USP22: variants seen among roughly 807,000 people sequenced by gnomAD.
USP22 encodes ubiquitin carboxyl-terminal hydrolase 22.
Under a neutral mutation model 68.1 loss-of-function variants are expected in USP22, and 22 were observed. The ratio of observed to expected loss-of-function variants is 0.32; its 90% CI spans 0.23 to 0.46. USP22 has a LOEUF of 0.46. USP22 is among the 20% of genes least tolerant of loss of function. USP22 has a pLI of 1.00. For synonymous variants in USP22, 279 were observed against 274.2 expected, an observed-to-expected ratio of 1.02 and a Z score of -0.17; for missense variants, 433 against 695.8, an observed-to-expected ratio of 0.62 and a Z score of 4.25.
At chr17:21,019,385 T>G (rs1279569945) in intron 3 of USP22, among the ~76,000 whole-genome samples, 200 bp from the exon 4 acceptor site, 1 of 152,254 alleles carries the variant, frequency 6.6e-6, no homozygotes, top group Admixed American at 6.5e-5. Flanking sequence ...ACAGAGGGTA[T>G]GAGGATGTGA....
intron 10 of USP22, 67 bp from the exon 11 acceptor site, chr17:21,005,057 T>C: frequency 6.4e-7 from 1 of 1,562,490 alleles, no homozygotes. Context: ...AAGGCTCTCG[T>C]GAAACCAACA....
In USP22 at chr17:21,001,101, CA is replaced by C. The variant is rs1453430053; in HGVS notation, c.*1929del. 3 of 151,732 alleles carry C rather than the reference CA, an allele frequency of 2.0e-5. No homozygotes were observed. The highest frequency in any genetic ancestry group is 4.8e-5 in the African/African-American group (2 of 41,314). The allele number at this position is 151,732 out of a possible 1,614,324, so 9.4% of individuals were successfully genotyped here. ...AGGAGATCTTCAAAGCACTGTCACC[CA>C]AACAGCAGAACTTGGTCACATGGGA... is the stretch of plus-strand genomic sequence containing the variant. On this transcript the variant is annotated 3_prime_UTR_variant, in exon 13 of 13. Coordinates refer to ENST00000261497, the MANE Select transcript of USP22 (RefSeq NM_015276.2).
chr17:21,021,722 C>T (rs1162594561), intron 2 of USP22, among the ~76,000 whole-genome samples: 6 of 152,172 alleles, frequency 3.9e-5, no homozygotes, highest in East Asian at 1.9e-4. Context: ...AGTTTCTCAT[C>T]GGATGACTTT....
intron 2 of USP22, among the ~76,000 whole-genome samples, chr17:21,022,217 G>A (rs769852159): frequency 2.0e-5 from 3 of 152,170 alleles, no homozygotes; most frequent in Non-Finnish European, 4.4e-5. Flanking sequence ...ACAAGAAACT[G>A]TTCACAGTCG....
chr17:21,000,748 T>C lies in USP22; in HGVS notation c.*2283A>G, dbSNP rs1399325658. The stretch of plus-strand genomic sequence containing the variant: ...CAACTTCAGTCAACTCTCCTTTCCA[T>C]TAGATTTGTTCCTAATTAAAAGACC... On this transcript the variant is annotated 3_prime_UTR_variant, in exon 13 of 13. Transcript: ENST00000261497. 1 of 152,208 alleles carries C rather than the reference T, an allele frequency of 6.6e-6. No individual in the cohort carries two copies. Among genetic ancestry groups the C allele is most frequent in the Admixed American group, 6.6e-5 (1 of 15,264 alleles). The allele number at this position is 152,208 out of a possible 1,614,324, so 9.4% of individuals were successfully genotyped here.
intron 7 of USP22, 27 bp from the exon 8 acceptor site, chr17:21,011,336 G>A (rs1055372456): frequency 5.8e-6 from 9 of 1,551,410 alleles, no homozygotes; most frequent in Admixed American, 3.9e-5. Context: ...AACAATGGCT[G>A]TGAGGACTGA....
intron 3 of USP22, 127 bp downstream of exon 3, chr17:21,020,986 G>A: frequency 1.4e-6 from 1 of 704,730 alleles, no homozygotes; most frequent in Non-Finnish European, 2.5e-6. Context: ...AGGGGAAGGT[G>A]GGGACGGCCT....
chr17:21,036,198 TG>T (rs1288342628), intron 1 of USP22, among the ~76,000 whole-genome samples: 1 of 150,812 alleles, frequency 6.6e-6, no homozygotes, highest in Non-Finnish European at 1.5e-5. Flanking sequence ...ACGAGACCAG[TG>T]GTTGTGGAGA....
In USP22 at chr17:21,002,296, A is replaced by C. The variant is rs1016669125; in HGVS notation, c.*735T>G. ...TGAGACTAAAGGAGAAGTTACCTAAATTTCTGTATAAACTCAGTAATTCAT... is the reference window on the plus strand; with the variant it reads ...TGAGACTAAAGGAGAAGTTACCTAACTTTCTGTATAAACTCAGTAATTCAT... On this transcript the variant is annotated 3_prime_UTR_variant, in exon 13 of 13. Transcript: ENST00000261497. 3.3e-5 allele frequency: 5 copies of C among 152,202 alleles called. No individual in the cohort carries two copies. The highest frequency in any genetic ancestry group is 1.2e-4 in the African/African-American group (5 of 41,448). The allele number at this position is 152,202 out of a possible 1,614,324, so 9.4% of individuals were successfully genotyped here.
In USP22 at chr17:21,012,865, G is replaced by C. The variant is rs1185452833; in HGVS notation, c.909C>G (p.Gly303=). Residue 303 remains glycine (G), a synonymous_variant, in exon 7 of 13, where the codon GGC becomes GGG. Coordinates refer to ENST00000261497, the MANE Select transcript of USP22 (RefSeq NM_015276.2). ...GGCAGGTGACGTCTGACTGCAACCCGCCTGTGAAGATCTGGTCTATGATGC... is the reference window on the plus strand; with the variant it reads ...GGCAGGTGACGTCTGACTGCAACCCCCCTGTGAAGATCTGGTCTATGATGC... ...CNCIIDQIFT[G]GLQSDVTCQV... is the part of the protein sequence containing the mutation. 1.9e-6 allele frequency: 3 copies of C among 1,613,972 alleles called. No individual in the cohort carries two copies. Among genetic ancestry groups the C allele is most frequent in the East Asian group, 2.2e-5 (1 of 44,874 alleles).
rs1192120488 is a variant in USP22, at chr17:21,001,360, CCT to C, written c.*1669_*1670del. 6.6e-6 allele frequency: 1 copy of C among 152,202 alleles called. No individual in the cohort carries two copies. 9.4% of individuals were successfully genotyped at this position (152,202 alleles called of 1,614,324 possible). ...GTAGCAGCTGCCACTGTCACTACCC[CCT>C]CCCCAGCCCAGCCAGCTAAGGAGCT... On this transcript the variant is annotated 3_prime_UTR_variant, in exon 13 of 13. Coordinates refer to ENST00000261497, the MANE Select transcript of USP22 (RefSeq NM_015276.2).
In USP22 at chr17:21,012,950, C is replaced by T. The variant is rs765205613; in HGVS notation, c.839-15G>A. On this transcript the variant is annotated splice_polypyrimidine_tract_variant and intron_variant, in intron 6 of 12. Transcript: ENST00000261497. ...ATTGTCATCACCTGGAGACAGACCACGGCTCTGGGATTAGTGTCTCCCCAA... is the reference window on the plus strand; with the variant it reads ...ATTGTCATCACCTGGAGACAGACCATGGCTCTGGGATTAGTGTCTCCCCAA... 23 of 1,611,710 alleles carry T rather than the reference C, an allele frequency of 1.4e-5. No homozygotes were observed. The highest frequency in any genetic ancestry group is 8.0e-5 in the African/African-American group (6 of 74,818).
intron 3 of USP22, among the ~76,000 whole-genome samples, 157 bp downstream of exon 3, chr17:21,020,956 C>T (rs1241302561): frequency 3.9e-5 from 6 of 152,180 alleles, no homozygotes; most frequent in Non-Finnish European, 7.4e-5. Context: ...AGAGCTTCAG[C>T]TGACTCCACT....
chr17:21,004,372 A>T (rs1913705708), intron 11 of USP22, 21 bp from the exon 12 acceptor site: 10 of 1,612,078 alleles, frequency 6.2e-6, no homozygotes, highest in Admixed American at 1.7e-5. Context: ...AGCAAAGGAG[A>T]GGGAGGGCGC....
rs79440898 is a variant in USP22 at position 21,006,994 on chromosome 17, A to G, written c.1231-7T>C. 2 of 1,593,158 alleles carry G rather than the reference A, an allele frequency of 1.3e-6. No individual in the cohort carries two copies. Among genetic ancestry groups the G allele is most frequent in the Non-Finnish European group, 1.7e-6 (2 of 1,168,510 alleles). On this transcript the variant is annotated splice_region_variant and splice_polypyrimidine_tract_variant and intron_variant, in intron 9 of 12. Transcript: ENST00000261497. ...TGGCTGAGTGTTCAAATCGCTGCAG[A>G]AATAGGAAGGGGACAGAGGGAAGAG...
intron 10 of USP22, among the ~76,000 whole-genome samples, chr17:21,005,357 C>T (rs566184760): frequency 6.6e-6 from 1 of 152,176 alleles, no homozygotes; most frequent in Admixed American, 6.5e-5. Context: ...TGAAAGGGTA[C>T]GCTGAATCCA....
chr17:21,030,027 A>T (rs2090068123), intron 1 of USP22, among the ~76,000 whole-genome samples: 2 of 152,246 alleles, frequency 1.3e-5, no homozygotes, highest in African/African-American at 4.8e-5. Flanking sequence ...GGATTAAAAA[A>T]ATATATTAAG....
intron 6 of USP22, among the ~76,000 whole-genome samples, chr17:21,014,971 C>T (rs527543671): frequency 9.2e-5 from 14 of 152,286 alleles, no homozygotes; most frequent in Middle Eastern, 3.4e-3. Flanking sequence ...AACGCCAGCA[C>T]GGGCTTTAGG....
chr17:21,010,874 G>A (rs1913943878), intron 8 of USP22, among the ~76,000 whole-genome samples: 1 of 152,162 alleles, frequency 6.6e-6, no homozygotes, highest in South Asian at 2.1e-4. Flanking sequence ...TAAGGGAGCA[G>A]CCAGTTTGGC....
Sources: gnomAD v4.1 joint callset for allele counts (sites outside exome capture counted in the v4.1 genomes callset) on GRCh38, gnomAD v4.1.1 for gene constraint, MANE v1.5 for transcripts, NCBI Gene and HGNC (gene_info 2026-07-23, HGNC 2026-07-21) for gene names.